The following RAB6A variants were observed in gnomAD, a reference collection of about 807,000 sequenced individuals.
RAB6A encodes ras-related protein Rab-6A.
A neutral mutation model predicts 32.3 loss-of-function variants in RAB6A; 8 were observed. That is an observed-to-expected ratio of 0.25 (90% CI 0.15 to 0.45). The LOEUF (loss-of-function observed/expected upper bound fraction) is 0.45, where lower values mean the gene tolerates loss of function less well. RAB6A is among the 20% of genes least tolerant of loss of function. The pLI is 1.00. For missense variants in RAB6A, 104 were observed against 249.4 expected (o/e 0.42, Z 3.93); for synonymous variants, 73 against 82.1 (o/e 0.89, Z 0.60).
chr11:73,716,944 C>A (rs1256503540), intron 4 of RAB6A, among the ~76,000 whole-genome samples: 1 of 152,152 alleles, frequency 6.6e-6, no homozygotes, highest in African/African-American at 2.4e-5. Flanking sequence ...TAGAGTACTT[C>A]AACACTTCTT....
At chr11:73,681,583 A>C (rs1007783003) in intron 6 of RAB6A, among the ~76,000 whole-genome samples, 9 of 152,148 alleles carry the variant, frequency 5.9e-5, no homozygotes, top group Non-Finnish European at 1.0e-4. Context: ...GAGGCCAAGG[A>C]AGGCAGATTA....
chr11:73,759,922 A>T, intron 1 of RAB6A: 7 of 627,800 alleles, frequency 1.1e-5, no homozygotes, highest in Non-Finnish European at 1.7e-5. Context: ...TGCCGACGCT[A>T]CCCCTTTCAC....
intron 6 of RAB6A, among the ~76,000 whole-genome samples, chr11:73,690,772 G>A (rs1489289844): frequency 6.6e-6 from 1 of 150,634 alleles, no homozygotes; most frequent in Non-Finnish European, 1.5e-5. Flanking sequence ...GTTGGGTCCA[G>A]TGGGGTGGAA....
chr11:73,750,955 C>G (rs1590892766), intron 1 of RAB6A, among the ~76,000 whole-genome samples: 1 of 152,012 alleles, frequency 6.6e-6, no homozygotes, highest in South Asian at 2.1e-4. Flanking sequence ...AGGCATGTGA[C>G]ACCACACCTG....
chr11:73,705,711 G>A (rs965199248), intron 6 of RAB6A, among the ~76,000 whole-genome samples: 3 of 149,310 alleles, frequency 2.0e-5, no homozygotes, highest in South Asian at 2.1e-4. Context: ...GTTCAGTTAC[G>A]TATCACTTAC....
intron 2 of RAB6A, chr11:73,730,230 T>C (rs1031696893): frequency 1.3e-5 from 2 of 152,270 alleles, no homozygotes; most frequent in Non-Finnish European, 2.9e-5. Context: ...ATCTCTTTTC[T>C]TTTTTGTATA....
intron 1 of RAB6A, among the ~76,000 whole-genome samples, chr11:73,742,770 A>G (rs1013673057): frequency 6.6e-5 from 10 of 152,044 alleles, no homozygotes; most frequent in Non-Finnish European, 1.3e-4. Context: ...AGATTGCCCC[A>G]TTGACTCCAG....
chr11:73,698,582 CCAA>C (rs1161664944), intron 6 of RAB6A, among the ~76,000 whole-genome samples: 4 of 152,076 alleles, frequency 2.6e-5, no homozygotes, highest in Non-Finnish European at 4.4e-5. Flanking sequence ...TAAAATCAGA[CCAA>C]CAATAGCAGT....
chr11:73,730,819 T>C lies in RAB6A; in HGVS notation c.75A>G (p.Gly25=), dbSNP rs1946290474. The part of the protein sequence containing the change: ...KLVFLGEQSV[G]KTSLITRFMY... ...TGAATCTGGTGATCAAAGATGTCTT[T>C]CCAACTGAAATGAAACGAAAAAAAG... Residue 25 remains glycine (G), a synonymous_variant, in exon 2 of 8, where the codon GGA becomes GGG. Coordinates refer to ENST00000336083, the MANE Select transcript of RAB6A (RefSeq NM_198896.2). The C allele has an allele frequency of 6.3e-7, 1 of 1,597,768 alleles. No individual in the cohort carries two copies. The highest frequency in any genetic ancestry group is 2.3e-5 in the East Asian group (1 of 44,232).
chr11:73,692,564 AAAG>A (rs1053124098), intron 6 of RAB6A, among the ~76,000 whole-genome samples: 4 of 151,564 alleles, frequency 2.6e-5, no homozygotes, highest in Non-Finnish European at 5.9e-5. Context: ...TCTAATGGAA[AAAG>A]AAGTATAAAA....
chr11:73,753,265 T>G (rs993999893), intron 1 of RAB6A, among the ~76,000 whole-genome samples: 1 of 152,028 alleles, frequency 6.6e-6, no homozygotes, highest in African/African-American at 2.4e-5. Flanking sequence ...CTGGCCAACA[T>G]GGCCACTCAC....
Position 73,720,868 on chromosome 11 carries a change from GT to G in RAB6A, c.160del (p.Thr54LeufsTer25). On this transcript the variant is annotated frameshift_variant, in exon 3 of 8. Transcript: ENST00000336083. LOFTEE classifies it high-confidence loss of function. ...ATIGIDFLSKTMYLEDRTVRL... is the reference protein window; with the variant it reads ...ATIGIDFLSKXMYLEDRTVRL... ...CACTGTTCGATCCTCCAAGTACATA[GT>G]TTTTGATAAAAAGTCAATGCCAATT... The G allele has an allele frequency of 1.2e-6, 2 of 1,610,208 alleles. No homozygotes were observed. Among genetic ancestry groups the G allele is most frequent in the East Asian group, 2.2e-5 (1 of 44,672 alleles).
chr11:73,709,397 G>GGCA (rs1395716803), intron 5 of RAB6A, among the ~76,000 whole-genome samples: 1 of 150,434 alleles, frequency 6.6e-6, no homozygotes, highest in East Asian at 1.9e-4. Context: ...GTCAGTCTCT[G>GGCA]GCATCTTCCA....
At chr11:73,707,392 T>C (rs757851404) in intron 6 of RAB6A, 28 bp downstream of exon 6, 1 of 1,498,018 alleles carries the variant, frequency 6.7e-7, no homozygotes. Flanking sequence ...TCATATTTTT[T>C]CAATTTGGTA....
At chr11:73,735,664 A>C (rs1946382009) in intron 1 of RAB6A, among the ~76,000 whole-genome samples, 1 of 152,178 alleles carries the variant, frequency 6.6e-6, no homozygotes, top group Admixed American at 6.6e-5. Flanking sequence ...AGGAAGCTTT[A>C]TTTATTTTTC....
intron 1 of RAB6A, among the ~76,000 whole-genome samples, chr11:73,735,860 G>C (rs1946384167): frequency 7.6e-6 from 1 of 131,946 alleles, no homozygotes; most frequent in Admixed American, 8.6e-5. Context: ...AACCTCAAAA[G>C]TCTATTTGAG....
chr11:73,733,115 T>G (rs917103455), intron 1 of RAB6A, among the ~76,000 whole-genome samples: 1 of 152,084 alleles, frequency 6.6e-6, no homozygotes, highest in Non-Finnish European at 1.5e-5. Flanking sequence ...CTGGCCTCAA[T>G]TATTTTCTTC....
chr11:73,726,280 G>A (rs111624583), intron 2 of RAB6A, among the ~76,000 whole-genome samples: 1,459 of 118,456 alleles, frequency 0.012, 22 homozygotes, highest in African/African-American at 0.043. Context: ...GCAAGACTCC[G>A]TCTCAAAAAA....
At chr11:73,707,295 G>T in intron 6 of RAB6A, 125 bp downstream of exon 6, 1 of 631,516 alleles carries the variant, frequency 1.6e-6, no homozygotes, top group Non-Finnish European at 2.7e-6. Flanking sequence ...TTCACTGTTT[G>T]AAAATATACT....
Sources: allele counts gnomAD v4.1 joint callset (sites outside exome capture counted in the v4.1 genomes callset), GRCh38; gene constraint gnomAD v4.1.1; transcripts MANE v1.5; gene names NCBI Gene and HGNC (gene_info 2026-07-23, HGNC 2026-07-21).